GNG4: variants seen among roughly 807,000 people sequenced by gnomAD.
GNG4 encodes the protein G protein subunit gamma 4.
In GNG4, 4 loss-of-function variants were observed where a neutral mutation model predicts 5.8. The ratio of observed to expected loss-of-function variants is 0.69; its 90% CI spans 0.34 to 1.57. The LOEUF is 1.57. GNG4 is among the 40% of genes most tolerant of loss of function. The pLI is 0.06. For missense variants in GNG4, 96 were observed against 95.1 expected, an observed-to-expected ratio of 1.01 and a Z score of -0.04; for synonymous variants, 29 against 32.9, an observed-to-expected ratio of 0.88 and a Z score of 0.41.
chr1:235,645,797 CAAA>C (rs6143682), intron 1 of GNG4, among the ~76,000 whole-genome samples: 115 of 90,370 alleles, frequency 1.3e-3, no homozygotes, highest in African/African-American at 4.6e-3. Flanking sequence ...AACTCAGTCT[CAAA>C]AAAAAAAAAA....
chr1:235,595,941 G>A (rs1296221756), intron 1 of GNG4, among the ~76,000 whole-genome samples: 5 of 152,094 alleles, frequency 3.3e-5, no homozygotes, highest in Non-Finnish European at 4.4e-5. Flanking sequence ...TTGGGAGGCC[G>A]AGGCGGGCGG....
chr1:235,568,156 C>CTT (rs748725987), intron 3 of GNG4, among the ~76,000 whole-genome samples: 3 of 67,832 alleles, frequency 4.4e-5, no homozygotes, highest in Non-Finnish European at 7.2e-5. Flanking sequence ...AATAAATCTG[C>CTT]TTTTTTTTTT....
intron 1 of GNG4, among the ~76,000 whole-genome samples, chr1:235,638,205 G>T (rs1356876308): frequency 6.6e-6 from 1 of 152,210 alleles, no homozygotes; most frequent in Admixed American, 6.5e-5. Context: ...GGAAATGTGG[G>T]TAATTCCCTT....
In GNG4 at chr1:235,644,704, G is replaced by T. The variant is rs926802091; in HGVS notation, c.-123+4958C>A. 2.0e-5 allele frequency among the ~76,000 whole-genome samples: 3 copies of T among 152,188 alleles called. No homozygotes were observed. The highest frequency in any genetic ancestry group is 7.2e-5 in the African/African-American group (3 of 41,440). On this transcript the variant is annotated intron_variant, in intron 1 of 3. Transcript: ENST00000391854. This position sits in a 1 kb window ranked among gnomAD's most constrained non-coding sequence, Gnocchi z 5.9. ...TGAAGGAAAACTAAAACCGAATGAG[G>T]ACTGACTCATGCTCGTTTAGTCGGC...
chr1:235,614,428 C>A (rs1289695019), intron 1 of GNG4, among the ~76,000 whole-genome samples: 2 of 152,120 alleles, frequency 1.3e-5, no homozygotes, highest in Non-Finnish European at 2.9e-5. Flanking sequence ...CCTTTCTCTG[C>A]TTCTTTTGAA....
At chr1:235,599,334 T>G (rs1220729911) in intron 1 of GNG4, among the ~76,000 whole-genome samples, 2 of 135,438 alleles carry the variant, frequency 1.5e-5, no homozygotes, top group Non-Finnish European at 3.2e-5. Context: ...TTTTTTTTTT[T>G]GAGACAGAGT....
Position 235,648,769 on chromosome 1 carries a change from C to T in GNG4, c.-123+893G>A, listed in dbSNP as rs1303646041. Among the ~76,000 whole-genome samples the T allele has an allele frequency of 6.6e-6, 1 of 152,186 alleles. No individual in the cohort carries two copies. Among genetic ancestry groups the T allele is most frequent in the Admixed American group, 6.5e-5 (1 of 15,278 alleles). On this transcript the variant is annotated intron_variant, in intron 1 of 3. Transcript: ENST00000391854. The surrounding 1 kb of genome is among the most constrained non-coding windows in gnomAD (Gnocchi z 5.0). The stretch of plus-strand genomic sequence containing the variant: ...AGCATTTGACAGTCCTGGGAGGCGA[C>T]GGGTAGAGGAGAGACGCGGCAGCCG...
At chr1:235,601,211 C>T (rs1255203707) in intron 1 of GNG4, among the ~76,000 whole-genome samples, 1 of 152,176 alleles carries the variant, frequency 6.6e-6, no homozygotes, top group African/African-American at 2.4e-5. Context: ...GGTGGGCTGA[C>T]ATCTGAAATA....
Position 235,649,709 on chromosome 1 carries a change from G to C in GNG4, c.-170C>G, listed in dbSNP as rs1016962557. 1 of 151,824 alleles carries C rather than the reference G, an allele frequency of 6.6e-6. No homozygotes were observed. The highest frequency in any genetic ancestry group is 1.9e-4 in the East Asian group (1 of 5,172). The allele number at this position is 151,824 out of a possible 1,614,324, so 9.4% of individuals were successfully genotyped here. A position where few individuals can be genotyped will look rare whatever the true frequency, so the allele number is the denominator to read the frequency against. On this transcript the variant is annotated 5_prime_UTR_variant, in exon 1 of 4. Coordinates refer to ENST00000391854, the MANE Select transcript of GNG4 (RefSeq NM_001098722.2). The surrounding 1 kb of genome is among the most constrained non-coding windows in gnomAD (Gnocchi z 5.7). ...CTTCGTCTGCAGCGCGGTGCTCGCG[G>C]GGGGCGGCCAGGCCGAGCGGCATCG...
intron 1 of GNG4, among the ~76,000 whole-genome samples, chr1:235,636,115 T>C (rs1226542225): frequency 1.3e-5 from 2 of 152,108 alleles, no homozygotes; most frequent in African/African-American, 4.8e-5. Context: ...GAACTGGCTC[T>C]CTCTCTGTAG....
intron 3 of GNG4, among the ~76,000 whole-genome samples, chr1:235,558,167 T>C (rs1686966711): frequency 6.6e-6 from 1 of 152,224 alleles, no homozygotes; most frequent in African/African-American, 2.4e-5. Flanking sequence ...GTGCTCAGTT[T>C]AAGCCCGAAT....
intron 2 of GNG4, among the ~76,000 whole-genome samples, chr1:235,594,621 G>C (rs1688077154): frequency 6.6e-6 from 1 of 152,232 alleles, no homozygotes; most frequent in African/African-American, 2.4e-5. Flanking sequence ...CACAGCAGCT[G>C]CTGGCCCAGG....
At position 235,640,772 on chromosome 1, in the gene GNG4, G is replaced by T. The variant is rs554879482; in HGVS notation, c.-123+8890C>A. Among the ~76,000 whole-genome samples, 120 of 152,376 alleles carry T rather than the reference G, an allele frequency of 7.9e-4. 1 individual carries two copies. In the South Asian group the frequency reaches 0.023, roughly 29 times the overall value. On this transcript the variant is annotated intron_variant, in intron 1 of 3. Transcript: ENST00000391854. The stretch of plus-strand genomic sequence containing the variant: ...ACCACCCCCTGCAGGGCTCCAGGAA[G>T]AGTCAAATTGCCCGGTGGGCCAGAG...
chr1:235,641,938 A>C (rs1657340429), intron 1 of GNG4, among the ~76,000 whole-genome samples: 1 of 152,136 alleles, frequency 6.6e-6, no homozygotes, highest in African/African-American at 2.4e-5. Context: ...TACTTGTTTA[A>C]ACTACTTTTG....
intron 2 of GNG4, among the ~76,000 whole-genome samples, chr1:235,589,402 A>C (rs1687905045): frequency 6.6e-6 from 1 of 152,118 alleles, no homozygotes; most frequent in Non-Finnish European, 1.5e-5. Flanking sequence ...TGCTGAGAGG[A>C]GCCACAAAGC....
intron 1 of GNG4, among the ~76,000 whole-genome samples, chr1:235,639,076 C>G (rs1450972858): frequency 1.3e-5 from 2 of 152,252 alleles, no homozygotes; most frequent in Non-Finnish European, 2.9e-5. Flanking sequence ...CCCACCTTCT[C>G]TCTCAGATGC....
intron 2 of GNG4, among the ~76,000 whole-genome samples, chr1:235,595,035 C>A (rs1688090842): frequency 6.6e-6 from 1 of 152,180 alleles, no homozygotes; most frequent in Non-Finnish European, 1.5e-5. Flanking sequence ...CCTTGCTGAA[C>A]AAGGAAGCTC....
intron 3 of GNG4, among the ~76,000 whole-genome samples, chr1:235,569,717 A>G (rs1398527481): frequency 6.6e-6 from 1 of 151,422 alleles, no homozygotes. Context: ...ACAGGCGCCC[A>G]CCACTACGCC....
chr1:235,596,712 C>T (rs1354995751), intron 1 of GNG4, among the ~76,000 whole-genome samples: 3 of 151,894 alleles, frequency 2.0e-5, no homozygotes, highest in Admixed American at 6.6e-5. Flanking sequence ...TCAGACGACT[C>T]GAAAGCTCTT....
Sources: allele counts gnomAD v4.1 joint callset (sites outside exome capture counted in the v4.1 genomes callset), GRCh38; gene constraint gnomAD v4.1.1; non-coding constraint Gnocchi (gnomAD v3.1); transcripts MANE v1.5; gene names NCBI Gene and HGNC (gene_info 2026-07-23, HGNC 2026-07-21).